Variants in MED13L observed in about 807,000 individuals in gnomAD.
The protein encoded by MED13L is mediator complex subunit 13L.
MED13L carries 7 observed loss-of-function variants against 220.9 expected under a neutral mutation model. The observed-to-expected ratio is 0.03, with a 90% CI of 0.02 to 0.06. MED13L has a LOEUF of 0.06. Ranked by LOEUF, MED13L falls within the 10% of genes least tolerant of loss-of-function variation. The pLI is 1.00. For missense variants in MED13L, 1,965 were observed against 2,760.5 expected, an observed-to-expected ratio of 0.71 and a Z score of 6.46; for synonymous variants, 1,011 against 1,015.2, an observed-to-expected ratio of 1.00 and a Z score of 0.08.
chr12:116,087,712 G>A (rs1351857315), intron 4 of MED13L, among the ~76,000 whole-genome samples: 1 of 152,036 alleles, frequency 6.6e-6, no homozygotes, highest in East Asian at 1.9e-4. Context: ...TTACTGGTCT[G>A]TCTCATTTCT....
Position 116,035,599 on chromosome 12 carries a change from A to T in MED13L, c.480-12998T>A, listed in dbSNP as rs189483621. 1.2e-3 allele frequency among the ~76,000 whole-genome samples: 183 copies of T among 151,894 alleles called. 1 individual carries two copies. The highest frequency in any genetic ancestry group is 3.3e-3 in the East Asian group (17 of 5,166). On this transcript the variant is annotated intron_variant, in intron 4 of 30. Coordinates refer to ENST00000281928, the MANE Select transcript of MED13L (RefSeq NM_015335.5). Reference sequence around the variant, plus strand: ...CTATATTCTTATTAATTAATTAATTAATTTATTTAGAGACAGGGTCTCGTT... The same window carrying T: ...CTATATTCTTATTAATTAATTAATTTATTTATTTAGAGACAGGGTCTCGTT...
chr12:116,249,275 C>T (rs1871316997), intron 1 of MED13L, among the ~76,000 whole-genome samples: 1 of 152,148 alleles, frequency 6.6e-6, no homozygotes, highest in Non-Finnish European at 1.5e-5. Context: ...CCAGTGCTAG[C>T]ATAAAGTCTA....
chr12:115,995,721 C>T (rs1443952775), intron 16 of MED13L, among the ~76,000 whole-genome samples: 1 of 152,104 alleles, frequency 6.6e-6, no homozygotes, highest in Non-Finnish European at 1.5e-5. Flanking sequence ...CCGCACCCGG[C>T]CCTAGCCTAT....
chr12:116,156,323 C>T (rs1231708131), intron 2 of MED13L, among the ~76,000 whole-genome samples: 1 of 149,176 alleles, frequency 6.7e-6, no homozygotes, highest in Admixed American at 6.7e-5. Flanking sequence ...ATTAGGATTC[C>T]ATTTTTAACT....
chr12:116,014,164 G>A (rs1879586345), intron 8 of MED13L, among the ~76,000 whole-genome samples: 1 of 152,110 alleles, frequency 6.6e-6, no homozygotes, highest in Non-Finnish European at 1.5e-5. Flanking sequence ...TCAATTCATT[G>A]GTCAATATTT....
rs970681180 is a variant in MED13L at position 116,110,163 on chromosome 12, A to G, written c.395+1265T>C. 4.6e-5 allele frequency: 7 copies of G among 152,150 alleles called. 1 individual carries two copies. The highest frequency in any genetic ancestry group is 1.4e-4 in the African/African-American group (6 of 41,416). 9.4% of individuals were successfully genotyped at this position (152,150 alleles called of 1,614,324 possible). ...AAACACTATTCAGAGCCTGGAACAT[A>G]TTGCTATGCCAGAAAGTAAGGGGAT... is the stretch of plus-strand genomic sequence containing the variant. On this transcript the variant is annotated intron_variant, in intron 3 of 30. Coordinates refer to ENST00000281928, the MANE Select transcript of MED13L (RefSeq NM_015335.5).
rs891777185 is a variant in MED13L, at chr12:116,277,628, C to T, written c.-497G>A. On this transcript the variant is annotated 5_prime_UTR_variant, in exon 1 of 31. Transcript: ENST00000281928. ...CCCCTCCTTCCTCTTCCTCCCCCAC[C>T]CCCCCCTCCTCCCCAGTCAGCCTCG... is the stretch of plus-strand genomic sequence containing the variant. 2.0e-5 allele frequency among the ~76,000 whole-genome samples: 3 copies of T among 149,584 alleles called. No individual in the cohort carries two copies. The highest frequency in any genetic ancestry group is 7.3e-5 in the African/African-American group (3 of 41,158).
intron 10 of MED13L, chr12:116,008,138 A>T: frequency 2.1e-6 from 1 of 485,388 alleles, no homozygotes; most frequent in Non-Finnish European, 3.6e-6. Context: ...ATTAACAAAC[A>T]GTAGGGCAAA....
At chr12:116,059,179 C>T (rs1869233192) in intron 4 of MED13L, among the ~76,000 whole-genome samples, 1 of 152,126 alleles carries the variant, frequency 6.6e-6, no homozygotes, top group African/African-American at 2.4e-5. Context: ...GCAATCCTCC[C>T]ACCTGAGCCT....
intron 2 of MED13L, among the ~76,000 whole-genome samples, chr12:116,162,079 A>C (rs962295769): frequency 6.6e-6 from 1 of 152,208 alleles, no homozygotes; most frequent in Non-Finnish European, 1.5e-5. Flanking sequence ...GCCAAATGTC[A>C]TATAATCAAA....
At chr12:116,037,645 G>A (rs1022953099) in intron 4 of MED13L, among the ~76,000 whole-genome samples, 7 of 152,112 alleles carry the variant, frequency 4.6e-5, no homozygotes, top group Non-Finnish European at 7.3e-5. Context: ...TGGGTAGTGC[G>A]TTATAAATTC....
At chr12:116,179,204 C>CGTGTGTGTGTGTGT (rs60501771) in intron 2 of MED13L, among the ~76,000 whole-genome samples, 1 of 148,096 alleles carries the variant, frequency 6.8e-6, no homozygotes, top group African/African-American at 2.5e-5. Flanking sequence ...TGACGATTTA[C>CGTGTGTGTGTGTGT]GTGTGTGTGT....
At chr12:115,987,319 A>G (rs1877759355) in intron 17 of MED13L, 31 bp from the exon 18 acceptor site, 1 of 1,600,218 alleles carries the variant, frequency 6.2e-7, no homozygotes, top group Non-Finnish European at 8.5e-7. Flanking sequence ...AACAGAGAAG[A>G]TAAGGGGGCT....
At chr12:116,200,640 T>G (rs11609898) in intron 2 of MED13L, among the ~76,000 whole-genome samples, 27,586 of 152,072 alleles carry the variant, frequency 0.18, 2,651 homozygotes, top group Middle Eastern at 0.28. Context: ...AACACAATAA[T>G]CAAAGCGTTC....
chr12:116,031,739 AGAAAAGAAAAGAAAAGAAAAGAAGGAAG>A (rs1880815405), intron 4 of MED13L, among the ~76,000 whole-genome samples: 24 of 67,780 alleles, frequency 3.5e-4, no homozygotes, highest in African/African-American at 1.3e-3. Context: ...AGAAAAGAAA[AGAAAAGAAAAGAAAAGAAAAGAAGGAAG>A]GAAGGAAGGA....
intron 2 of MED13L, among the ~76,000 whole-genome samples, chr12:116,120,473 TCTCTCACACACACA>T (rs1245929172): frequency 4.6e-4 from 47 of 101,454 alleles, no homozygotes; most frequent in Non-Finnish European, 7.2e-4. Context: ...TCTCTCTCTC[TCTCTCACACACACA>T]CACACACACA....
At chr12:116,014,554 A>G (rs1879609950) in intron 8 of MED13L, among the ~76,000 whole-genome samples, 1 of 152,190 alleles carries the variant, frequency 6.6e-6, no homozygotes, top group Admixed American at 6.5e-5. Context: ...TAAAGAAGAA[A>G]GGCAGGGAGA....
In MED13L at chr12:115,980,853, A is replaced by G. The variant is rs373887964; in HGVS notation, c.5261T>C (p.Val1754Ala). Residue 1754 changes from valine (V) to alanine (A), a missense_variant, in exon 23 of 31, where the codon GTG (valine) becomes GCG (alanine). Val to Ala is a moderately conservative substitution (Grantham distance 64). Around this residue, in one of 10 missense-constraint regions of MED13L, gnomAD observed 510 missense variants for 620.4 expected, o/e 0.82. Transcript: ENST00000281928. ...IQYLKSMAFS[V>A]YCQCRRPLPT... The stretch of plus-strand genomic sequence containing the variant: ...CAGTGGTCGCCTGCACTGGCAGTAC[A>G]CTGAAAATGCCATGGACTTCAAGTA... 9 of 1,613,830 alleles carry G rather than the reference A, an allele frequency of 5.6e-6. No individual in the cohort carries two copies. The African/African-American group carries it at 1.2e-4, about 22-fold the overall frequency.
chr12:116,176,047 A>C (rs1033852356), intron 2 of MED13L, among the ~76,000 whole-genome samples: 2 of 152,144 alleles, frequency 1.3e-5, no homozygotes, highest in Non-Finnish European at 2.9e-5. Flanking sequence ...AGTGGAAGAG[A>C]CCACTGAAAA....
Sources: gnomAD v4.1 joint callset for allele counts (sites outside exome capture counted in the v4.1 genomes callset) on GRCh38, gnomAD v4.1.1 for gene constraint, gnomAD v4.1.1 regional missense constraint, MANE v1.5 for transcripts, NCBI Gene and HGNC (gene_info 2026-07-23, HGNC 2026-07-21) for gene names.